CAMK4: variants seen among roughly 807,000 people sequenced by gnomAD.
CAMK4 encodes the protein calcium/calmodulin-dependent protein kinase type IV.
CAMK4 carries 22 observed loss-of-function variants against 44.9 expected under a neutral mutation model. The observed-to-expected ratio is 0.49, with a 90% CI of 0.35 to 0.70. CAMK4 has a LOEUF of 0.70. Ranked by LOEUF, CAMK4 falls within the 30% of genes least tolerant of loss-of-function variation. CAMK4 has a pLI of 0.01. For synonymous variants in CAMK4, 218 were observed against 215.4 expected (o/e 1.01, Z -0.11); for missense variants, 498 against 586.8 (o/e 0.85, Z 1.56).
intron 8 of CAMK4, among the ~76,000 whole-genome samples, chr5:111,476,147 T>G (rs1253491017): frequency 6.6e-6 from 1 of 152,058 alleles, no homozygotes; most frequent in African/African-American, 2.4e-5. Flanking sequence ...GAATAGACAT[T>G]GGATTCTTCC....
chr5:111,275,635 C>T (rs76799175), intron 1 of CAMK4, among the ~76,000 whole-genome samples: 1,872 of 151,878 alleles, frequency 0.012, 21 homozygotes, highest in East Asian at 0.055. Context: ...AAAGCATTTT[C>T]GGTTTTGGAG....
intron 1 of CAMK4, among the ~76,000 whole-genome samples, chr5:111,327,656 C>G (rs987599925): frequency 2.0e-5 from 3 of 151,706 alleles, no homozygotes; most frequent in Non-Finnish European, 4.4e-5. Flanking sequence ...TTCTCCACAT[C>G]CTCTCCAGCA....
At chr5:111,315,579 TGG>T (rs1748385758) in intron 1 of CAMK4, among the ~76,000 whole-genome samples, 1 of 152,180 alleles carries the variant, frequency 6.6e-6, no homozygotes, top group African/African-American at 2.4e-5. Context: ...ATCTTAGTTG[TGG>T]AAGATTATGA....
At position 111,462,794 on chromosome 5, in the gene CAMK4, A is replaced by G. The variant is rs532871936; in HGVS notation, c.626-10517A>G. The stretch of plus-strand genomic sequence containing the variant: ...GGCCATATCTGATGCTTTTTATTTT[A>G]GGATCATTTCCAAAACTAGTTACAA... On this transcript the variant is annotated intron_variant, in intron 7 of 10. Transcript: ENST00000282356. Among the ~76,000 whole-genome samples, 11 of 152,298 alleles carry G rather than the reference A, an allele frequency of 7.2e-5. No homozygotes were observed. The South Asian group carries it at 1.2e-3, about 17-fold the overall frequency.
At position 111,478,466 on chromosome 5, in the gene CAMK4, T is replaced by TC; in HGVS notation, c.792dup (p.Trp265LeufsTer4). On this transcript the variant is annotated frameshift_variant, in exon 9 of 11. Coordinates refer to ENST00000282356, the MANE Select transcript of CAMK4 (RefSeq NM_001744.6). LOFTEE classifies it high-confidence loss of function. The stretch of plus-strand genomic sequence containing the variant: ...TCTGAATTGTGAATATTACTTTATC[T>TC]CCCCCTGGTGGGATGAAGTATCTCT... 6.5e-7 allele frequency: 1 copy of TC among 1,546,464 alleles called. No homozygotes were observed. Among genetic ancestry groups the TC allele is most frequent in the Non-Finnish European group, 8.9e-7 (1 of 1,122,070 alleles).
intron 1 of CAMK4, among the ~76,000 whole-genome samples, chr5:111,252,118 CTG>C (rs1749527702): frequency 6.6e-6 from 1 of 152,188 alleles, no homozygotes; most frequent in Non-Finnish European, 1.5e-5. Flanking sequence ...TGCCAAGACA[CTG>C]TCGTATTCAT....
chr5:111,253,812 A>G (rs1580484202), intron 1 of CAMK4, among the ~76,000 whole-genome samples: 1 of 152,218 alleles, frequency 6.6e-6, no homozygotes, highest in African/African-American at 2.4e-5. Flanking sequence ...ATATTCATAT[A>G]TGCACATGGA....
intron 1 of CAMK4, among the ~76,000 whole-genome samples, chr5:111,327,775 T>C (rs894664336): frequency 6.6e-6 from 1 of 150,390 alleles, no homozygotes; most frequent in East Asian, 2.0e-4. Context: ...ATGAGCATTT[T>C]TTCATGTGTC....
At chr5:111,458,554 A>G (rs975592989) in intron 7 of CAMK4, among the ~76,000 whole-genome samples, 2 of 146,244 alleles carry the variant, frequency 1.4e-5, no homozygotes, top group East Asian at 4.0e-4. Flanking sequence ...ACTCTTCCTT[A>G]AGTATACTGT....
At chr5:111,412,981 C>G (rs1752682442) in intron 5 of CAMK4, among the ~76,000 whole-genome samples, 1 of 152,154 alleles carries the variant, frequency 6.6e-6, no homozygotes, top group African/African-American at 2.4e-5. Context: ...TGGGGTAGCT[C>G]TGCTCTTCAA....
chr5:111,227,555 A>C (rs1037090833), intron 1 of CAMK4, among the ~76,000 whole-genome samples: 3 of 152,170 alleles, frequency 2.0e-5, no homozygotes, highest in Non-Finnish European at 4.4e-5. Flanking sequence ...GACGGTGACC[A>C]CTGGGGCGAT....
chr5:111,420,513 A>G (rs1465270984), intron 5 of CAMK4, among the ~76,000 whole-genome samples: 1 of 152,064 alleles, frequency 6.6e-6, no homozygotes, highest in African/African-American at 2.4e-5. Context: ...TCCCTGGGAG[A>G]CAGGGTTTTG....
intron 7 of CAMK4, among the ~76,000 whole-genome samples, chr5:111,463,968 C>T (rs1754731844): frequency 6.6e-6 from 1 of 151,852 alleles, no homozygotes; most frequent in Non-Finnish European, 1.5e-5. Flanking sequence ...CCCTAGCTTA[C>T]CGGCAATGGA....
At position 111,484,274 on chromosome 5, in the gene CAMK4, T is replaced by G; in HGVS notation, c.1230T>G (p.Ala410=). Residue 410 remains alanine (A), a synonymous_variant, in exon 11 of 11, where the codon GCT becomes GCG. Coordinates refer to ENST00000282356, the MANE Select transcript of CAMK4 (RefSeq NM_001744.6). This position sits in a 1 kb window ranked among gnomAD's most constrained non-coding sequence, Gnocchi z 5.3. ...LEKVKGADIN[A]EEAPKMVPKA... is the part of the protein sequence containing the mutation. ...AAGTTAAAGGTGCAGATATAAATGC[T>G]GAAGAGGCCCCCAAAATGGTGCCCA... is the stretch of plus-strand genomic sequence containing the variant. 1 of 1,614,020 alleles carries G rather than the reference T, an allele frequency of 6.2e-7. No homozygotes were observed. The highest frequency in any genetic ancestry group is 1.7e-5 in the Admixed American group (1 of 60,020).
chr5:111,431,501 T>C (rs1753440685), intron 5 of CAMK4, among the ~76,000 whole-genome samples: 1 of 152,012 alleles, frequency 6.6e-6, no homozygotes, highest in Non-Finnish European at 1.5e-5. Context: ...AAAGCAAACA[T>C]GGACATGCAG....
chr5:111,494,597 G>C lies in CAMK4; in HGVS notation c.*10131G>C, dbSNP rs1168586889. On this transcript the variant is annotated 3_prime_UTR_variant, in exon 11 of 11. Coordinates refer to ENST00000282356, the MANE Select transcript of CAMK4 (RefSeq NM_001744.6). ...TGAGGCAGACCACATGAGAGCTGTG[G>C]CTTCTTCTTGGATTCAGGTTGGATA... 2 of 149,024 alleles carry C rather than the reference G, an allele frequency of 1.3e-5. No individual in the cohort carries two copies. Among genetic ancestry groups the C allele is most frequent in the Non-Finnish European group, 2.9e-5 (2 of 67,842 alleles). The allele number at this position is 149,024 out of a possible 1,614,324, so 9.2% of individuals were successfully genotyped here.
intron 8 of CAMK4, among the ~76,000 whole-genome samples, chr5:111,474,233 G>T (rs1755160530): frequency 1.3e-5 from 2 of 152,198 alleles, no homozygotes. Context: ...TTGAAAGTAG[G>T]TATACTAGTC....
intron 1 of CAMK4, among the ~76,000 whole-genome samples, chr5:111,263,626 T>A (rs1363353215): frequency 2.6e-5 from 4 of 152,226 alleles, no homozygotes; most frequent in African/African-American, 9.6e-5. Flanking sequence ...CCTGCTATAA[T>A]CCATTTTTAA....
At chr5:111,248,655 G>C (rs371588286) in intron 1 of CAMK4, among the ~76,000 whole-genome samples, 5 of 152,214 alleles carry the variant, frequency 3.3e-5, no homozygotes, top group African/African-American at 7.2e-5. Flanking sequence ...CTGATTCTTA[G>C]AGGAGATTAA....
Sources: gnomAD v4.1 joint callset for allele counts (sites outside exome capture counted in the v4.1 genomes callset) on GRCh38, gnomAD v4.1.1 for gene constraint, Gnocchi (gnomAD v3.1) non-coding constraint, MANE v1.5 for transcripts, NCBI Gene and HGNC (gene_info 2026-07-23, HGNC 2026-07-21) for gene names.